OXR1: variants seen among roughly 807,000 people sequenced by gnomAD.
The protein encoded by OXR1 is oxidation resistance 1, also known as oxidation resistance protein 1.
A neutral mutation model predicts 104.6 loss-of-function variants in OXR1; 41 were observed. The ratio of observed to expected loss-of-function variants is 0.39; its 90% CI spans 0.31 to 0.51. The LOEUF (loss-of-function observed/expected upper bound fraction) is 0.51. OXR1 is among the 20% of genes least tolerant of loss of function. OXR1 has a pLI of 0.77. For missense variants in OXR1, 955 were observed against 1,031.9 expected (o/e 0.93, Z 1.02); for synonymous variants, 348 against 348.4 (o/e 1.00, Z 0.01).
intron 2 of OXR1, among the ~76,000 whole-genome samples, chr8:106,392,381 G>A (rs1044075170): frequency 6.6e-6 from 1 of 152,150 alleles, no homozygotes; most frequent in South Asian, 2.1e-4. Context: ...ACACATCTAA[G>A]TAAAGATGTC....
At position 106,493,447 on chromosome 8, in the gene OXR1, G is replaced by A. The variant is rs139051911; in HGVS notation, c.24-25496G>A. Among the ~76,000 whole-genome samples the A allele has an allele frequency of 1.2e-4, 19 of 152,178 alleles. 1 individual carries two copies. Among genetic ancestry groups the A allele is most frequent in the South Asian group, 4.2e-4 (2 of 4,818 alleles). ...GTCTATGGACCATCTGAAACCAGAC[G>A]GGCCTGGGAGCCTATTTAAAATGCA... On this transcript the variant is annotated intron_variant, in intron 2 of 16. Coordinates refer to ENST00000517566, the MANE Select transcript of OXR1 (RefSeq NM_001198533.2).
At chr8:106,453,750 C>G (rs73699505) in intron 2 of OXR1, among the ~76,000 whole-genome samples, 189 of 152,370 alleles carry the variant, frequency 1.2e-3, no homozygotes, top group African/African-American at 4.3e-3. Flanking sequence ...CCTGTAAGCA[C>G]TGTAAGATGT....
At chr8:106,739,628 C>T (rs1345092344) in intron 13 of OXR1, 45 bp downstream of exon 13, 1 of 1,588,980 alleles carries the variant, frequency 6.3e-7, no homozygotes, top group Non-Finnish European at 8.6e-7. Context: ...TGAGTGTGTA[C>T]CCATGAGAGT....
intron 11 of OXR1, among the ~76,000 whole-genome samples, chr8:106,717,330 A>C (rs985728019): frequency 1.3e-5 from 2 of 152,242 alleles, no homozygotes; most frequent in African/African-American, 4.8e-5. Context: ...GTAGTACTTC[A>C]GAATGTGCCG....
At chr8:106,409,728 T>C (rs1818385063) in intron 2 of OXR1, among the ~76,000 whole-genome samples, 1 of 152,140 alleles carries the variant, frequency 6.6e-6, no homozygotes, top group East Asian at 1.9e-4. Flanking sequence ...AAGGCTTAGT[T>C]ACAGTTGGGC....
At chr8:106,296,711 C>G (rs148666927) in intron 1 of OXR1, among the ~76,000 whole-genome samples, 16 of 152,260 alleles carry the variant, frequency 1.1e-4, no homozygotes, top group East Asian at 1.9e-4. Flanking sequence ...CTGTCATGCT[C>G]TCCTTGGACA....
intron 3 of OXR1, among the ~76,000 whole-genome samples, chr8:106,627,549 A>G (rs899816191): frequency 7.4e-6 from 1 of 134,850 alleles, no homozygotes; most frequent in Non-Finnish European, 1.8e-5. Context: ...GTAGTGGCTT[A>G]ATGATGATGA....
At chr8:106,410,597 G>A (rs1490042061) in intron 2 of OXR1, among the ~76,000 whole-genome samples, 2 of 152,102 alleles carry the variant, frequency 1.3e-5, no homozygotes, top group Non-Finnish European at 2.9e-5. Context: ...AGCCAAGTGA[G>A]GATCCAAGTG....
chr8:106,376,410 C>T (rs1245711264), intron 2 of OXR1, among the ~76,000 whole-genome samples: 1 of 151,942 alleles, frequency 6.6e-6, no homozygotes, highest in Non-Finnish European at 1.5e-5. Flanking sequence ...TTTTGTAGAA[C>T]GAAGCTGTGA....
intron 1 of OXR1, among the ~76,000 whole-genome samples, chr8:106,344,404 C>T (rs140240840): frequency 1.3e-5 from 2 of 152,202 alleles, no homozygotes; most frequent in Non-Finnish European, 2.9e-5. Flanking sequence ...GTGGCACAAT[C>T]TCGGCTCACT....
rs149279208 is a variant in OXR1, at chr8:106,683,997, T to C, written c.412-249T>C. ...TGCTAGCTATTGCCAAATTGTCCTT[T>C]AGGAGTGACACCTCTATAGTGTATG... On this transcript the variant is annotated intron_variant, in intron 5 of 16. Transcript: ENST00000517566. Among the ~76,000 whole-genome samples the C allele has an allele frequency of 2.6e-4, 40 of 152,322 alleles. 1 individual carries two copies. In the East Asian group the frequency reaches 5.2e-3, roughly 20 times the overall value.
chr8:106,608,504 A>G (rs1215012533), intron 3 of OXR1, among the ~76,000 whole-genome samples: 1 of 152,184 alleles, frequency 6.6e-6, no homozygotes, highest in East Asian at 1.9e-4. Flanking sequence ...ACTGTCAGAC[A>G]TCTGCCTTTG....
At chr8:106,707,182 A>T (rs768068397) in intron 9 of OXR1, 37 bp downstream of exon 9, 7 of 1,585,458 alleles carry the variant, frequency 4.4e-6, no homozygotes, top group Non-Finnish European at 6.1e-6. Flanking sequence ...AGTTCATCCA[A>T]TTGTATGGTG....
intron 2 of OXR1, among the ~76,000 whole-genome samples, chr8:106,496,007 T>TA (rs1191076958): frequency 6.6e-6 from 1 of 152,148 alleles, no homozygotes. Flanking sequence ...GCATTTATAA[T>TA]AAAAAATAAA....
intron 1 of OXR1, among the ~76,000 whole-genome samples, chr8:106,295,104 A>G (rs1370231850): frequency 6.6e-6 from 1 of 152,214 alleles, no homozygotes; most frequent in Admixed American, 6.5e-5. Context: ...AAGTGATGTG[A>G]TCTTAATTTC....
chr8:106,542,084 A>C (rs969175580), intron 3 of OXR1, among the ~76,000 whole-genome samples: 2 of 152,180 alleles, frequency 1.3e-5, no homozygotes, highest in Non-Finnish European at 2.9e-5. Flanking sequence ...GCTGTGCTCC[A>C]TGTCACTGCC....
At chr8:106,280,772 A>T (rs965009903) in intron 1 of OXR1, among the ~76,000 whole-genome samples, 2 of 152,144 alleles carry the variant, frequency 1.3e-5, no homozygotes, top group African/African-American at 2.4e-5. Flanking sequence ...AAAATTAAAC[A>T]TGTAAAAAGT....
chr8:106,339,492 C>CAAAAAAAAAAA (rs562959605), intron 1 of OXR1, among the ~76,000 whole-genome samples: 1 of 7,584 alleles, frequency 1.3e-4, no homozygotes, highest in Non-Finnish European at 1.9e-4. Flanking sequence ...AGACTCCATC[C>CAAAAAAAAAAA]AAAAAAAAAA....
chr8:106,540,423 T>C (rs1563591623), intron 3 of OXR1, among the ~76,000 whole-genome samples: 1 of 152,240 alleles, frequency 6.6e-6, no homozygotes, highest in Non-Finnish European at 1.5e-5. Flanking sequence ...TTTATTCTTT[T>C]AAAATAACAT....
Sources: gnomAD v4.1 joint callset for allele counts (sites outside exome capture counted in the v4.1 genomes callset) on GRCh38, gnomAD v4.1.1 for gene constraint, MANE v1.5 for transcripts, NCBI Gene and HGNC (gene_info 2026-07-23, HGNC 2026-07-21) for gene names.